The following SUFU variants were observed in gnomAD, a reference collection of about 807,000 sequenced individuals.
SUFU encodes the protein suppressor of fused homolog.
Under a neutral mutation model 58.9 loss-of-function variants are expected in SUFU, and 7 were observed. That is an observed-to-expected ratio of 0.12 (90% CI 0.07 to 0.22). The LOEUF (loss-of-function observed/expected upper bound fraction) is 0.22, where lower values mean the gene tolerates loss of function less well. SUFU is among the 10% of genes least tolerant of loss of function. SUFU has a pLI of 1.00. For synonymous variants in SUFU, 232 were observed against 254.8 expected, an observed-to-expected ratio of 0.91 and a Z score of 0.85; for missense variants, 451 against 641.3, an observed-to-expected ratio of 0.70 and a Z score of 3.20.
chr10:102,565,765 C>T (rs2063082430), intron 3 of SUFU, among the ~76,000 whole-genome samples: 1 of 152,078 alleles, frequency 6.6e-6, no homozygotes, highest in African/African-American at 2.4e-5. Context: ...CCAGGATGGT[C>T]TCTATCTCCT....
chr10:102,555,855 C>G (rs1470722454), intron 3 of SUFU, among the ~76,000 whole-genome samples: 3 of 152,218 alleles, frequency 2.0e-5, no homozygotes, highest in Admixed American at 2.0e-4. Flanking sequence ...TGCATATGTA[C>G]TGTACAGAAC....
chr10:102,607,008 T>G (rs147923412), intron 8 of SUFU, among the ~76,000 whole-genome samples: 394 of 151,676 alleles, frequency 2.6e-3, no homozygotes, highest in Middle Eastern at 0.014. Flanking sequence ...GATAAATACC[T>G]GATGTATTTG....
At position 102,625,007 on chromosome 10, in the gene SUFU, G is replaced by A. The variant is rs1023792098; in HGVS notation, c.1297-2168G>A. Among the ~76,000 whole-genome samples the A allele has an allele frequency of 2.6e-5, 4 of 152,314 alleles. No homozygotes were observed. The East Asian group carries it at 7.7e-4, about 29-fold the overall frequency. On this transcript the variant is annotated intron_variant, in intron 10 of 11. Transcript: ENST00000369902. This position sits in a 1 kb window ranked among gnomAD's most constrained non-coding sequence, Gnocchi z 4.7. Reference sequence around the variant, plus strand: ...GACTGGAGCCATTGTAATATAATTGGGTTTTAGGTATGCTTGTGTTTGTGC... The same window carrying A: ...GACTGGAGCCATTGTAATATAATTGAGTTTTAGGTATGCTTGTGTTTGTGC...
At chr10:102,572,673 T>C (rs1045403390) in intron 3 of SUFU, 1 of 587,514 alleles carries the variant, frequency 1.7e-6, no homozygotes, top group Non-Finnish European at 3.2e-6. Flanking sequence ...CAGGTGTGAG[T>C]GAGCCACCAT....
intron 8 of SUFU, among the ~76,000 whole-genome samples, chr10:102,612,536 T>G (rs2063637461): frequency 6.6e-6 from 1 of 152,192 alleles, no homozygotes; most frequent in South Asian, 2.1e-4. Context: ...CCCTCCAGCT[T>G]GAGACGTCTC....
At position 102,633,105 on chromosome 10, in the gene SUFU, G is replaced by T. The variant is rs532824598; in HGVS notation, c.*2950G>T. On this transcript the variant is annotated 3_prime_UTR_variant, in exon 12 of 12. Coordinates refer to ENST00000369902, the MANE Select transcript of SUFU (RefSeq NM_016169.4). Reference sequence around the variant, plus strand: ...CAAGCAGGGAGAAAACCTGAAGGTCGGTGCCCCTATGGGGCTGACCAGTAG... The same window carrying T: ...CAAGCAGGGAGAAAACCTGAAGGTCTGTGCCCCTATGGGGCTGACCAGTAG... 2 of 233,396 alleles carry T rather than the reference G, an allele frequency of 8.6e-6. No individual in the cohort carries two copies. The highest frequency in any genetic ancestry group is 5.6e-5 in the Admixed American group (1 of 17,802). 14.5% of individuals were successfully genotyped at this position (233,396 alleles called of 1,614,324 possible). A position where few individuals can be genotyped will look rare whatever the true frequency, so the allele number is the denominator to read the frequency against.
rs539370498 is a variant in SUFU, at chr10:102,565,832, C to T, written c.454+15726C>T. On this transcript the variant is annotated intron_variant, in intron 3 of 11. Coordinates refer to ENST00000369902, the MANE Select transcript of SUFU (RefSeq NM_016169.4). The stretch of plus-strand genomic sequence containing the variant: ...AAGTGCTGGGATTACAAGCGTGAGC[C>T]ACCACGCCTGGCCGAAAGCATTTAT... 1.5e-3 allele frequency among the ~76,000 whole-genome samples: 224 copies of T among 152,308 alleles called. 1 individual carries two copies. Among genetic ancestry groups the T allele is most frequent in the African/African-American group, 4.9e-3 (204 of 41,554 alleles).
At chr10:102,609,027 G>T (rs931129689) in intron 8 of SUFU, among the ~76,000 whole-genome samples, 2 of 152,116 alleles carry the variant, frequency 1.3e-5, no homozygotes, top group African/African-American at 4.8e-5. Flanking sequence ...TTGAAACCCC[G>T]GAAGAAAAGA....
chr10:102,519,002 G>T (rs113902736), intron 2 of SUFU, among the ~76,000 whole-genome samples: 5 of 151,634 alleles, frequency 3.3e-5, no homozygotes, highest in Non-Finnish European at 7.4e-5. Context: ...TTAGCCAGGC[G>T]TGGTGGCAGG....
At chr10:102,559,355 G>A (rs530665489) in intron 3 of SUFU, among the ~76,000 whole-genome samples, 1 of 129,616 alleles carries the variant, frequency 7.7e-6, no homozygotes, top group South Asian at 2.6e-4. Context: ...AATGCCCATC[G>A]TGTGGGCAAA....
intron 2 of SUFU, among the ~76,000 whole-genome samples, chr10:102,534,381 C>T (rs1472711901): frequency 6.6e-6 from 1 of 152,134 alleles, no homozygotes. Flanking sequence ...GAGCCAAGAT[C>T]GTGCCACTGC....
Position 102,566,929 on chromosome 10 carries a change from A to G in SUFU, c.454+16823A>G, listed in dbSNP as rs533003083. 1.4e-4 allele frequency among the ~76,000 whole-genome samples: 20 copies of G among 141,338 alleles called. No homozygotes were observed. In the South Asian group the frequency reaches 2.4e-3, roughly 17 times the overall value. The allele number at this position is 141,338 out of a possible 152,430, so 92.7% of individuals were successfully genotyped here. On this transcript the variant is annotated intron_variant, in intron 3 of 11. Coordinates refer to ENST00000369902, the MANE Select transcript of SUFU (RefSeq NM_016169.4). Reference sequence around the variant, plus strand: ...CACTGCACTCCAGCCTGGGTGACAGAGCGACTCCATCTCAAAAAAAAAAAA... The same window carrying G: ...CACTGCACTCCAGCCTGGGTGACAGGGCGACTCCATCTCAAAAAAAAAAAA...
At chr10:102,575,783 A>G (rs1174418280) in intron 3 of SUFU, among the ~76,000 whole-genome samples, 1 of 152,220 alleles carries the variant, frequency 6.6e-6, no homozygotes, top group Non-Finnish European at 1.5e-5. Context: ...CACATAGCAG[A>G]GGGGTCAAGG....
intron 3 of SUFU, among the ~76,000 whole-genome samples, chr10:102,567,275 T>G (rs2063101491): frequency 6.6e-6 from 1 of 151,808 alleles, no homozygotes; most frequent in African/African-American, 2.4e-5. Context: ...CCTCCCAAAG[T>G]GCTGGGATTA....
At chr10:102,580,033 C>CCCCCCCCCA (rs2063258977) in intron 3 of SUFU, among the ~76,000 whole-genome samples, 1 of 100,330 alleles carries the variant, frequency 1.0e-5, no homozygotes, top group Non-Finnish European at 2.2e-5. Context: ...CCCCGCACCC[C>CCCCCCCCCA]CCCCCCGCCC....
chr10:102,599,377 G>T, intron 7 of SUFU, 56 bp from the exon 8 acceptor site: 1 of 1,354,636 alleles, frequency 7.4e-7, no homozygotes, highest in Non-Finnish European at 1.1e-6. Context: ...CAAGAGCGGG[G>T]TGAGAATTGC....
chr10:102,544,917 A>G (rs1312864898), intron 2 of SUFU, among the ~76,000 whole-genome samples: 2 of 152,206 alleles, frequency 1.3e-5, no homozygotes, highest in African/African-American at 4.8e-5. Context: ...GATGTTTTCA[A>G]GGTCATCCAT....
chr10:102,553,983 C>T (rs1220868768), intron 3 of SUFU, among the ~76,000 whole-genome samples: 1 of 152,196 alleles, frequency 6.6e-6, no homozygotes, highest in Non-Finnish European at 1.5e-5. Context: ...GTCCCAGCTA[C>T]TCAGGAGGCT....
intron 3 of SUFU, among the ~76,000 whole-genome samples, chr10:102,589,879 T>C (rs1420381214): frequency 3.9e-5 from 6 of 152,172 alleles, no homozygotes; most frequent in Non-Finnish European, 8.8e-5. Context: ...TCACTTACCA[T>C]TAATCAAGTA....
Sources: gnomAD v4.1 joint callset for allele counts (sites outside exome capture counted in the v4.1 genomes callset) on GRCh38, gnomAD v4.1.1 for gene constraint, Gnocchi (gnomAD v3.1) non-coding constraint, MANE v1.5 for transcripts, NCBI Gene and HGNC (gene_info 2026-07-23, HGNC 2026-07-21) for gene names.